ZNF540: variants seen among roughly 807,000 people sequenced by gnomAD.
The protein encoded by ZNF540 is zinc finger protein 540, also known as CTD-3064H18.6.
Under a neutral mutation model 11.8 loss-of-function variants are expected in ZNF540, and 3 were observed. The ratio of observed to expected loss-of-function variants is 0.25; its 90% CI spans 0.12 to 0.65. The LOEUF (loss-of-function observed/expected upper bound fraction) is 0.65, where lower values mean the gene tolerates loss of function less well. Ranked by LOEUF, ZNF540 falls within the 30% of genes least tolerant of loss-of-function variation. ZNF540 has a pLI of 0.83. For synonymous variants in ZNF540, 247 were observed against 259.0 expected, an observed-to-expected ratio of 0.95 and a Z score of 0.45; for missense variants, 709 against 793.1, an observed-to-expected ratio of 0.89 and a Z score of 1.27.
At position 37,611,744 on chromosome 19, in the gene ZNF540, G is replaced by A. The variant is rs763219367; in HGVS notation, c.464G>A (p.Arg155His). ...VSKKMSTDRK[R>H]PSFTLNQRIH... The stretch of plus-strand genomic sequence containing the variant: ...AAAAAAATGTCAACTGATAGAAAAC[G>A]TCCCTCTTTTACTCTGAATCAGAGA... The change falls in exon 5 of 5, where the codon CGT becomes CAT. Residue 155 changes from arginine to histidine, a missense_variant. By Grantham distance (29) the Arg-to-His change is conservative. Transcript: ENST00000316433. 17 of 1,613,784 alleles carry A rather than the reference G, an allele frequency of 1.1e-5. No homozygotes were observed. In the South Asian group the frequency reaches 1.1e-4, roughly 10 times the overall value.
chr19:37,613,291 C>T lies in ZNF540; in HGVS notation c.*28C>T, dbSNP rs1344280489. ...TAAGAAAAGGTTTCCATGTCATGCT[C>T]TATTTATAGAATATCAAAATATTTA... On this transcript the variant is annotated 3_prime_UTR_variant, in exon 5 of 5. Transcript: ENST00000316433. 1 of 1,411,804 alleles carries T rather than the reference C, an allele frequency of 7.1e-7. No homozygotes were observed. The allele number at this position is 1,411,804 out of a possible 1,614,324, so 87.5% of individuals were successfully genotyped here. A position where few individuals can be genotyped will look rare whatever the true frequency, so the allele number is the denominator to read the frequency against.
intron 4 of ZNF540, among the ~76,000 whole-genome samples, chr19:37,608,865 C>T (rs920226082): frequency 6.6e-6 from 1 of 152,060 alleles, no homozygotes; most frequent in African/African-American, 2.4e-5. Context: ...TGAGAAAATA[C>T]CCTAACCTCA....
Position 37,570,191 on chromosome 19 carries a change from G to T in ZNF540, c.-73+18526G>T, listed in dbSNP as rs995245571. Reference sequence around the variant, plus strand: ...TTATCTCAATTACCTTAAAAGCTTTGGTTTCCTGGGTCCTTGGTCATCACT... The same window carrying T: ...TTATCTCAATTACCTTAAAAGCTTTTGTTTCCTGGGTCCTTGGTCATCACT... On this transcript the variant is annotated intron_variant, in intron 1 of 4. Coordinates refer to the ZNF540 transcript ENST00000592533. 3.3e-5 allele frequency among the ~76,000 whole-genome samples: 5 copies of T among 152,200 alleles called. No individual in the cohort carries two copies. In the East Asian group the frequency reaches 5.8e-4, roughly 18 times the overall value.
chr19:37,603,004 C>CTTTTTTT (rs569985494), intron 4 of ZNF540, among the ~76,000 whole-genome samples: 1 of 113,240 alleles, frequency 8.8e-6, no homozygotes. Flanking sequence ...TGTAAGGAGT[C>CTTTTTTT]TTTTTTTTTT....
At chr19:37,608,920 C>T (rs1413676217) in intron 4 of ZNF540, among the ~76,000 whole-genome samples, 1 of 152,100 alleles carries the variant, frequency 6.6e-6, no homozygotes, top group African/African-American at 2.4e-5. Flanking sequence ...GGATTACAAG[C>T]GTGAGCCACT....
At chr19:37,567,983 G>T (rs2042920342) in intron 1 of ZNF540, among the ~76,000 whole-genome samples, 1 of 152,002 alleles carries the variant, frequency 6.6e-6, no homozygotes. Flanking sequence ...AAGGCCAAAT[G>T]TTCTTATATT....
intron 1 of ZNF540, chr19:37,556,261 TGAG>T (rs1276373945): frequency 8.1e-6 from 5 of 619,746 alleles, no homozygotes; most frequent in African/African-American, 5.5e-5. Context: ...GTGAAAGAGG[TGAG>T]GAGAAAGGAG....
Position 37,613,004 on chromosome 19 carries a change from G to T in ZNF540, c.1724G>T (p.Gly575Val). 1 of 1,614,146 alleles carries T rather than the reference G, an allele frequency of 6.2e-7. No homozygotes were observed. The highest frequency in any genetic ancestry group is 8.5e-7 in the Non-Finnish European group (1 of 1,180,014). ...ACTGAACATCAGAAAATTCATACGG[G>T]TGTAAAACCATACAAATGTAAAGAA... ...QFTEHQKIHT[G>V]VKPYKCKECG... Residue 575 changes from glycine (G) to valine (V), a missense_variant, in exon 5 of 5, where the codon GGT becomes GTT. Coordinates refer to ENST00000316433, the MANE Select transcript of ZNF540 (RefSeq NM_001172225.3).
At position 37,584,002 on chromosome 19, in the gene ZNF540, C is replaced by T. The variant is rs1463869905; in HGVS notation, c.-72-14374C>T. The T allele has an allele frequency of 9.3e-6, 15 of 1,612,812 alleles. No homozygotes were observed. The highest frequency in any genetic ancestry group is 1.3e-5 in the Non-Finnish European group (15 of 1,179,320). ...AGATCAGGTTGCTGTAGTTCTCCAA[C>T]ATCACATCCCTGTACAAGTCCCTCT... On this transcript the variant is annotated intron_variant, in intron 1 of 4. Coordinates refer to the ZNF540 transcript ENST00000592533.
intron 4 of ZNF540, among the ~76,000 whole-genome samples, chr19:37,607,000 A>T (rs36001268): frequency 0.025 from 3,737 of 151,952 alleles, 71 homozygotes; most frequent in Non-Finnish European, 0.036. Context: ...GATATTATCC[A>T]TTTTATCTTC....
chr19:37,593,450 T>C (rs1279102888), upstream of ZNF540, among the ~76,000 whole-genome samples: 5 of 152,302 alleles, frequency 3.3e-5, no homozygotes, highest in South Asian at 1.0e-3. Context: ...ACGCCTGTAA[T>C]CCCAGCACTC....
chr19:37,564,820 C>T, intron 1 of ZNF540: 1 of 1,613,880 alleles, frequency 6.2e-7, no homozygotes, highest in Non-Finnish European at 8.5e-7. Flanking sequence ...TAAAAGCCTT[C>T]CCACACTGTT....
At chr19:37,565,943 T>C (rs757113314) in intron 1 of ZNF540, 3 of 1,613,864 alleles carry the variant, frequency 1.9e-6, no homozygotes, top group Non-Finnish European at 2.5e-6. Flanking sequence ...TTTTTCTATA[T>C]TATGATTTTC....
In ZNF540 at chr19:37,613,705, G is replaced by A. The variant is rs781441044; in HGVS notation, c.*442G>A. ...TTATTATTAGTGGATTTCTTAATAGGAAGATGCAATGGAGATGACAAATTT... is the reference window on the plus strand; with the variant it reads ...TTATTATTAGTGGATTTCTTAATAGAAAGATGCAATGGAGATGACAAATTT... On this transcript the variant is annotated 3_prime_UTR_variant, in exon 5 of 5. Transcript: ENST00000316433. 10 of 397,870 alleles carry A rather than the reference G, an allele frequency of 2.5e-5. No individual in the cohort carries two copies. The highest frequency in any genetic ancestry group is 6.2e-5 in the African/African-American group (3 of 48,576). The allele number at this position is 397,870 out of a possible 1,614,324, so 24.6% of individuals were successfully genotyped here.
At chr19:37,578,619 C>T (rs2147184350) in intron 1 of ZNF540, among the ~76,000 whole-genome samples, 1 of 152,292 alleles carries the variant, frequency 6.6e-6, no homozygotes, top group African/African-American at 2.4e-5. Flanking sequence ...AGCCCCTCCT[C>T]GCCAGGAAAG....
chr19:37,604,723 C>T (rs1200102678), intron 4 of ZNF540, among the ~76,000 whole-genome samples: 1 of 152,144 alleles, frequency 6.6e-6, no homozygotes, highest in Middle Eastern at 3.2e-3. Flanking sequence ...GTAATCATCA[C>T]CACTTCAGTC....
In ZNF540 at chr19:37,579,206, GC is replaced by G. The variant is rs2043357344; in HGVS notation, c.-72-19168del. The stretch of plus-strand genomic sequence containing the variant: ...ACCTGTCCCACCTCCCCACATCATA[GC>G]CAGCACCTGAACTCTGGGCTAGCCC... On this transcript the variant is annotated intron_variant, in intron 1 of 4. Transcript: ENST00000592533. Among the ~76,000 whole-genome samples the G allele has an allele frequency of 1.3e-5, 2 of 152,202 alleles. 1 individual carries two copies. Among genetic ancestry groups the G allele is most frequent in the South Asian group, 4.1e-4 (2 of 4,832 alleles).
intron 1 of ZNF540, chr19:37,575,714 T>C (rs759977249): frequency 9.2e-5 from 14 of 152,222 alleles, no homozygotes; most frequent in Non-Finnish European, 1.9e-4. Context: ...TGATCACACA[T>C]CACTGTGATG....
intron 3 of ZNF540, among the ~76,000 whole-genome samples, chr19:37,600,738 C>T (rs1452649103): frequency 6.6e-6 from 1 of 152,146 alleles, no homozygotes; most frequent in African/African-American, 2.4e-5. Flanking sequence ...TCAATAACTA[C>T]TGCCTCTCAA....
Sources: allele counts gnomAD v4.1 joint callset (sites outside exome capture counted in the v4.1 genomes callset), GRCh38; gene constraint gnomAD v4.1.1; transcripts MANE v1.5; gene names NCBI Gene and HGNC (gene_info 2026-07-23, HGNC 2026-07-21).